The following FAM193A variants were observed in gnomAD, a reference collection of about 807,000 sequenced individuals.
The protein encoded by FAM193A is family with sequence similarity 193 member A.
FAM193A carries 22 observed loss-of-function variants against 126.5 expected under a neutral mutation model. That is an observed-to-expected ratio of 0.17 (90% CI 0.12 to 0.25). FAM193A has a LOEUF of 0.25. Among genes scored for constraint, FAM193A ranks in the 10% least tolerant of loss-of-function variants. The pLI, the probability that FAM193A is intolerant of heterozygous loss-of-function variation, is 1.00. For missense variants in FAM193A, 1,675 were observed against 1,672.8 expected, an observed-to-expected ratio of 1.00 and a Z score of -0.02; for synonymous variants, 761 against 646.8, an observed-to-expected ratio of 1.18 and a Z score of -2.68.
chr4:2,548,266 T>TCA (rs1012770671), intron 1 of FAM193A, among the ~76,000 whole-genome samples: 2 of 151,788 alleles, frequency 1.3e-5, no homozygotes, highest in African/African-American at 4.8e-5. Flanking sequence ...AGATGGGGCT[T>TCA]CACCATGTTG....
chr4:2,644,911 T>C (rs1294704191), intron 6 of FAM193A, among the ~76,000 whole-genome samples: 27 of 152,226 alleles, frequency 1.8e-4, no homozygotes, highest in Admixed American at 1.8e-3. Context: ...ATAAATAATT[T>C]AGTATTTCTT....
chr4:2,640,684 A>AGG (rs938656149), intron 6 of FAM193A, among the ~76,000 whole-genome samples: 1 of 152,108 alleles, frequency 6.6e-6, no homozygotes, highest in Admixed American at 6.5e-5. Context: ...ACCTATACTT[A>AGG]GGGGTGTGGT....
intron 2 of FAM193A, among the ~76,000 whole-genome samples, chr4:2,617,181 A>T (rs1577079393): frequency 7.9e-6 from 1 of 126,666 alleles, no homozygotes; most frequent in Admixed American, 7.6e-5. Context: ...AAAAAAAAAA[A>T]TTAAAAAAAA....
chr4:2,567,025 C>T (rs1370283420), intron 1 of FAM193A, among the ~76,000 whole-genome samples: 3 of 151,452 alleles, frequency 2.0e-5, no homozygotes, highest in African/African-American at 7.3e-5. Context: ...CTGCAAGCTC[C>T]GCCTCCCAGG....
intron 2 of FAM193A, among the ~76,000 whole-genome samples, chr4:2,621,087 G>A (rs1422639520): frequency 6.6e-6 from 1 of 152,072 alleles, no homozygotes; most frequent in Non-Finnish European, 1.5e-5. Flanking sequence ...GCTGGAGAGT[G>A]CGTGCCTCTC....
At chr4:2,618,334 T>C (rs1742329534) in intron 2 of FAM193A, among the ~76,000 whole-genome samples, 1 of 152,184 alleles carries the variant, frequency 6.6e-6, no homozygotes, top group Non-Finnish European at 1.5e-5. Flanking sequence ...CTTCACGTAG[T>C]CCCCTTTTTT....
intron 1 of FAM193A, among the ~76,000 whole-genome samples, chr4:2,544,605 GAGGC>G (rs1474723788): frequency 6.6e-6 from 1 of 152,130 alleles, no homozygotes; most frequent in African/African-American, 2.4e-5. Flanking sequence ...TCGGGAGGCT[GAGGC>G]AGGAGAATTG....
At chr4:2,559,993 T>G (rs1738513345) in intron 1 of FAM193A, among the ~76,000 whole-genome samples, 1 of 151,830 alleles carries the variant, frequency 6.6e-6, no homozygotes, top group African/African-American at 2.4e-5. Flanking sequence ...AGTTTCACTC[T>G]TGTTGCCCAG....
At chr4:2,547,740 C>G (rs1054645729) in intron 1 of FAM193A, among the ~76,000 whole-genome samples, 2 of 151,800 alleles carry the variant, frequency 1.3e-5, no homozygotes, top group African/African-American at 4.8e-5. Flanking sequence ...ATTCTCCTGC[C>G]TCAGCCTCCC....
chr4:2,695,407 A>ATGG (rs1225223288), intron 17 of FAM193A, among the ~76,000 whole-genome samples: 1 of 152,224 alleles, frequency 6.6e-6, no homozygotes, highest in Non-Finnish European at 1.5e-5. Flanking sequence ...GTGTATCCAT[A>ATGG]TGGTGGAACA....
At chr4:2,603,853 ATTATT>A (rs1206269317) in intron 2 of FAM193A, among the ~76,000 whole-genome samples, 3 of 149,018 alleles carry the variant, frequency 2.0e-5, no homozygotes, top group African/African-American at 7.4e-5. Flanking sequence ...TATTATTATT[ATTATT>A]TTGAGACGGA....
intron 6 of FAM193A, 101 bp from the exon 7 acceptor site, chr4:2,646,584 G>A (rs1218923742): frequency 1.6e-6 from 2 of 1,274,002 alleles, no homozygotes; most frequent in East Asian, 2.5e-5. Context: ...GTTGGGAGGC[G>A]AGATGACAAA....
chr4:2,599,217 T>G (rs953191147), intron 2 of FAM193A, among the ~76,000 whole-genome samples: 3 of 134,380 alleles, frequency 2.2e-5, no homozygotes, highest in Non-Finnish European at 4.6e-5. Context: ...AGTTAAACTG[T>G]TTTTTTTTTT....
intron 1 of FAM193A, among the ~76,000 whole-genome samples, chr4:2,560,431 C>T (rs998756555): frequency 6.6e-6 from 1 of 152,176 alleles, no homozygotes; most frequent in Non-Finnish European, 1.5e-5. Context: ...ATTGGAACAT[C>T]TAAACTGCGC....
intron 19 of FAM193A, among the ~76,000 whole-genome samples, chr4:2,701,039 C>T (rs1299600768): frequency 1.3e-5 from 2 of 148,194 alleles, no homozygotes; most frequent in East Asian, 4.0e-4. Context: ...ATCAGTATTT[C>T]CCATGTTTGC....
chr4:2,690,906 A>G lies in FAM193A; in HGVS notation c.2739A>G (p.Thr913=), dbSNP rs1421690017. Residue 913 remains threonine (T), a synonymous_variant, in exon 15 of 21, where the codon ACA becomes ACG. Transcript: ENST00000637812. ...TSSATSSVSC[T]ATTVQSSNSQ... ...CAGCCACGTCCTCTGTGTCCTGCACAGCTACCACAGTGCAGTCCAGCAACA... is the reference window on the plus strand; with the variant it reads ...CAGCCACGTCCTCTGTGTCCTGCACGGCTACCACAGTGCAGTCCAGCAACA... The G allele has an allele frequency of 6.2e-7, 1 of 1,613,810 alleles. No homozygotes were observed. Among genetic ancestry groups the G allele is most frequent in the African/African-American group, 1.3e-5 (1 of 75,046 alleles).
chr4:2,690,344 C>G (rs1333325487), intron 14 of FAM193A, among the ~76,000 whole-genome samples: 5 of 152,198 alleles, frequency 3.3e-5, no homozygotes, highest in Non-Finnish European at 7.3e-5. Context: ...GACTTGACAT[C>G]CTGATCTGTG....
intron 19 of FAM193A, among the ~76,000 whole-genome samples, chr4:2,714,088 T>A (rs1396184125): frequency 6.6e-6 from 1 of 152,202 alleles, no homozygotes; most frequent in African/African-American, 2.4e-5. Context: ...TTTTTCCTCC[T>A]CAAGTTGGAG....
chr4:2,633,880 C>T (rs972008756), intron 5 of FAM193A, among the ~76,000 whole-genome samples: 25 of 151,928 alleles, frequency 1.6e-4, no homozygotes, highest in Admixed American at 1.6e-3. Flanking sequence ...GCAACAAGAG[C>T]AAAACTCCGT....
Sources: gnomAD v4.1 joint callset for allele counts (sites outside exome capture counted in the v4.1 genomes callset) on GRCh38, gnomAD v4.1.1 for gene constraint, MANE v1.5 for transcripts, NCBI Gene and HGNC (gene_info 2026-07-23, HGNC 2026-07-21) for gene names.